DNAI7: variants seen among roughly 807,000 people sequenced by gnomAD.
The protein encoded by DNAI7 is dynein axonemal intermediate chain 7.
In DNAI7, 78 loss-of-function variants were observed where a neutral mutation model predicts 86.6. The ratio of observed to expected loss-of-function variants is 0.90; its 90% confidence interval spans 0.75 to 1.09. DNAI7 has a LOEUF of 1.09. Ranked by LOEUF, DNAI7 falls within the 50% of genes least tolerant of loss-of-function variation. The pLI, the probability that DNAI7 is intolerant of heterozygous loss-of-function variation, is 0.00. For missense variants in DNAI7, 753 were observed against 810.2 expected (o/e 0.93, Z 0.86); for synonymous variants, 274 against 273.0 (o/e 1.00, Z -0.04).
Position 25,108,569 on chromosome 12 carries a change from G to GGT in DNAI7, c.2146_2147dup (p.Arg717ProfsTer16). ...GAGGTTAGGAGTAGCTGAGCAATCT[G>GGT]GTAGAGAGCAGCATGTGGCACACAG... On this transcript the variant is annotated frameshift_variant, in exon 16 of 16. Transcript: ENST00000395987. LOFTEE classifies it high-confidence loss of function. The GGT allele has an allele frequency of 6.2e-7, 1 of 1,613,460 alleles. No individual in the cohort carries two copies. The highest frequency in any genetic ancestry group is 8.5e-7 in the Non-Finnish European group (1 of 1,179,704).
At chr12:25,173,346 A>C (rs956969924) in intron 2 of DNAI7, among the ~76,000 whole-genome samples, 18 of 152,118 alleles carry the variant, frequency 1.2e-4, no homozygotes, top group Admixed American at 4.6e-4. Flanking sequence ...ACATATGAAA[A>C]AATGCTCAGT....
chr12:25,146,946 T>C, intron 8 of DNAI7, 55 bp downstream of exon 8: 1 of 894,644 alleles, frequency 1.1e-6, no homozygotes, highest in South Asian at 1.4e-5. Flanking sequence ...GCAATCATGA[T>C]GTGGCTCAAT....
At chr12:25,161,385 G>A (rs1286309575) in intron 2 of DNAI7, among the ~76,000 whole-genome samples, 188 bp from the exon 3 acceptor site, 1 of 152,120 alleles carries the variant, frequency 6.6e-6, no homozygotes, top group Non-Finnish European at 1.5e-5. Context: ...ACAAAGTCTG[G>A]GAACAAGAAA....
chr12:25,159,531 G>T (rs1476902095), intron 3 of DNAI7, among the ~76,000 whole-genome samples: 1 of 151,858 alleles, frequency 6.6e-6, no homozygotes, highest in Non-Finnish European at 1.5e-5. Context: ...TCTCCAAAAG[G>T]TTTATAGCAA....
chr12:25,110,494 C>T (rs552481823), intron 14 of DNAI7, among the ~76,000 whole-genome samples: 2 of 152,336 alleles, frequency 1.3e-5, no homozygotes, highest in South Asian at 4.1e-4. Context: ...ACCTGCCGAC[C>T]TCTTTTTCTT....
At chr12:25,139,137 C>A (rs4589388) in intron 9 of DNAI7, among the ~76,000 whole-genome samples, 76,226 of 151,796 alleles carry the variant, frequency 0.5, 22,343 homozygotes, top group East Asian at 0.89. Flanking sequence ...GAAATATACA[C>A]CTCTCCCAGA....
chr12:25,107,549 A>G (rs1477019469), downstream of DNAI7, among the ~76,000 whole-genome samples: 2 of 151,012 alleles, frequency 1.3e-5, no homozygotes, highest in Non-Finnish European at 3.0e-5. Flanking sequence ...TGAAAGAATG[A>G]GATACTTGTA....
At chr12:25,122,045 G>A in intron 10 of DNAI7, 132 bp from the exon 11 acceptor site, 2 of 608,488 alleles carry the variant, frequency 3.3e-6, no homozygotes, top group Non-Finnish European at 5.5e-6. Context: ...TCAAAAAGCA[G>A]TTAACTCAAA....
At chr12:25,146,599 C>CA (rs55857702) in intron 8 of DNAI7, among the ~76,000 whole-genome samples, 1,833 of 140,446 alleles carry the variant, frequency 0.013, 48 homozygotes, top group South Asian at 0.063. Context: ...GACTGTGTCT[C>CA]AAAAAAAAAA....
chr12:25,142,278 T>C (rs1301309886), intron 9 of DNAI7, among the ~76,000 whole-genome samples: 2 of 151,878 alleles, frequency 1.3e-5, no homozygotes, highest in Non-Finnish European at 2.9e-5. Context: ...TTCTCACTTA[T>C]AAGTGGGAGC....
chr12:25,145,945 G>A (rs931265621), intron 8 of DNAI7, among the ~76,000 whole-genome samples: 4 of 152,150 alleles, frequency 2.6e-5, no homozygotes, highest in African/African-American at 7.2e-5. Context: ...TATGTTTGCC[G>A]GGCGCAGTGG....
intron 9 of DNAI7, among the ~76,000 whole-genome samples, chr12:25,125,251 T>A (rs1413979522): frequency 1.3e-5 from 2 of 152,210 alleles, no homozygotes; most frequent in African/African-American, 2.4e-5. Flanking sequence ...GTATAAGTGT[T>A]CCCTATTCCC....
intron 5 of DNAI7, 126 bp downstream of exon 5, chr12:25,155,183 TCA>T (rs1409918092): frequency 3.9e-6 from 2 of 515,170 alleles, no homozygotes; most frequent in Admixed American, 3.8e-5. Flanking sequence ...CCATAAGCAA[TCA>T]ATTTGTCAGA....
At chr12:25,192,757 C>T (rs1230571120) in intron 1 of DNAI7, 1 of 146,916 alleles carries the variant, frequency 6.8e-6, no homozygotes, top group African/African-American at 2.5e-5. Flanking sequence ...TCGCTTGAAC[C>T]CGGGAGGCAG....
At position 25,108,611 on chromosome 12, in the gene DNAI7, G is replaced by T. The variant is rs778554848; in HGVS notation, c.2106C>A (p.Asn702Lys). 6 of 1,613,822 alleles carry T rather than the reference G, an allele frequency of 3.7e-6. No individual in the cohort carries two copies. In the East Asian group the frequency reaches 1.3e-4, roughly 36 times the overall value. The change falls in exon 16 of 16, where the codon AAC becomes AAA. Residue 702 changes from asparagine (N) to lysine (K), a missense_variant. Physicochemically the swap from Asn to Lys is moderately conservative, Grantham distance 94. Transcript: ENST00000395987. ...EEAMEKVRSS[N>K]CQFVNSVCHM... ...GGCACACAGAGTTGACAAACTGACA[G>T]TTGGAACTCCTGACTTTCTCCATTG...
At chr12:25,136,967 T>C (rs1255540481) in intron 9 of DNAI7, among the ~76,000 whole-genome samples, 1 of 152,038 alleles carries the variant, frequency 6.6e-6, no homozygotes, top group Non-Finnish European at 1.5e-5. Context: ...AGAAGAGAAA[T>C]CTAAAAGCTC....
At chr12:25,168,759 T>G (rs1013365783) in intron 2 of DNAI7, among the ~76,000 whole-genome samples, 3 of 152,202 alleles carry the variant, frequency 2.0e-5, no homozygotes, top group African/African-American at 7.2e-5. Context: ...ACTCTCTAAT[T>G]AGATGTCCTA....
At chr12:25,150,761 C>T (rs989239333) in intron 6 of DNAI7, among the ~76,000 whole-genome samples, 1 of 152,046 alleles carries the variant, frequency 6.6e-6, no homozygotes, top group East Asian at 1.9e-4. Flanking sequence ...CTATGTGTGA[C>T]AGCTTTCATT....
rs150916219 is a variant in DNAI7 at position 25,111,718 on chromosome 12, A to G, written c.1779+54T>C. On this transcript the variant is annotated intron_variant, in intron 14 of 15. Coordinates refer to ENST00000395987, the MANE Select transcript of DNAI7 (RefSeq NM_018272.5). ...ATATTAAATTATATAACATTTAATA[A>G]TTGCTAACATTTTAAATGCACGCCA... The G allele has an allele frequency of 1.1e-4, 119 of 1,130,900 alleles. No individual in the cohort carries two copies. The African/African-American group carries it at 1.8e-3, about 17-fold the overall frequency. 70.1% of individuals were successfully genotyped at this position (1,130,900 alleles called of 1,614,324 possible). A position where few individuals can be genotyped will look rare whatever the true frequency, so the allele number is the denominator to read the frequency against.
Sources: gnomAD v4.1 joint callset for allele counts (sites outside exome capture counted in the v4.1 genomes callset) on GRCh38, gnomAD v4.1.1 for gene constraint, MANE v1.5 for transcripts, NCBI Gene and HGNC (gene_info 2026-07-23, HGNC 2026-07-21) for gene names.